The following C6orf89 variants were observed in gnomAD, a reference collection of about 807,000 sequenced individuals.
C6orf89 encodes chromosome 6 open reading frame 89, also known as bombesin receptor-activated protein C6orf89.
C6orf89 carries 29 observed loss-of-function variants against 40.7 expected under a neutral mutation model. The ratio of observed to expected loss-of-function variants is 0.71; its 90% confidence interval spans 0.53 to 0.97. The LOEUF is 0.97. Among genes scored for constraint, C6orf89 ranks in the 50% least tolerant of loss-of-function variants. The pLI is 0.00. For synonymous variants in C6orf89, 165 were observed against 152.2 expected (o/e 1.08, Z -0.62); for missense variants, 392 against 429.1 (o/e 0.91, Z 0.76).
chr6:36,914,296 G>C lies in C6orf89; in HGVS notation c.416G>C (p.Trp139Ser). 1 of 1,613,792 alleles carries C rather than the reference G, an allele frequency of 6.2e-7. No individual in the cohort carries two copies. The highest frequency in any genetic ancestry group is 8.5e-7 in the Non-Finnish European group (1 of 1,179,820). Reference protein sequence around the residue: ...EDRPFPDFDPWWTNDCEQNES... With the variant: ...EDRPFPDFDPSWTNDCEQNES... Reference sequence around the variant, plus strand: ...CTTCCTCTCTCAGACTTTGACCCCTGGTGGACAAACGACTGTGAGCAGAAT... The same window carrying C: ...CTTCCTCTCTCAGACTTTGACCCCTCGTGGACAAACGACTGTGAGCAGAAT... Residue 139 changes from tryptophan to serine, a missense_variant, in exon 5 of 9, where the codon TGG (tryptophan) becomes TCG (serine). Transcript: ENST00000480824.
At chr6:36,890,431 G>A (rs1761153902) in intron 1 of C6orf89, among the ~76,000 whole-genome samples, 1 of 152,068 alleles carries the variant, frequency 6.6e-6, no homozygotes, top group Admixed American at 6.6e-5. Flanking sequence ...ATTTCACTTA[G>A]CATAATGTCC....
At chr6:36,895,462 CAG>C (rs1761387867) in intron 2 of C6orf89, among the ~76,000 whole-genome samples, 2 of 152,132 alleles carry the variant, frequency 1.3e-5, no homozygotes, top group Non-Finnish European at 1.5e-5. Context: ...TGGGTGGTCT[CAG>C]ATAAGTCACT....
chr6:36,919,867 T>G (rs1201998671), intron 8 of C6orf89, among the ~76,000 whole-genome samples, 166 bp downstream of exon 8: 2 of 152,214 alleles, frequency 1.3e-5, no homozygotes, highest in Admixed American at 1.3e-4. Context: ...ATGAAACAAC[T>G]TAATGAGAAA....
At chr6:36,892,325 T>G (rs557609923) in intron 1 of C6orf89, among the ~76,000 whole-genome samples, 2 of 152,258 alleles carry the variant, frequency 1.3e-5, no homozygotes, top group South Asian at 4.1e-4. Flanking sequence ...CCCCTCCAGT[T>G]TGTTGATTTT....
chr6:36,920,892 A>G (rs746898068), intron 8 of C6orf89, among the ~76,000 whole-genome samples: 25 of 152,308 alleles, frequency 1.6e-4, no homozygotes, highest in Non-Finnish European at 2.5e-4. Context: ...AATTCAGACA[A>G]CTACAGAAAC....
chr6:36,903,225 T>TTGTG (rs10597547), intron 4 of C6orf89, among the ~76,000 whole-genome samples: 17 of 150,196 alleles, frequency 1.1e-4, no homozygotes, highest in African/African-American at 2.7e-4. Context: ...GCCTCCAATT[T>TTGTG]TGTGTGTGTG....
chr6:36,888,686 G>A (rs1326313771), intron 1 of C6orf89, among the ~76,000 whole-genome samples: 2 of 152,108 alleles, frequency 1.3e-5, no homozygotes, highest in African/African-American at 4.8e-5. Context: ...GGGAAGAGGA[G>A]AACTGGAAGT....
chr6:36,919,841 A>G, intron 8 of C6orf89, 140 bp downstream of exon 8: 1 of 868,994 alleles, frequency 1.2e-6, no homozygotes, highest in East Asian at 2.8e-5. Context: ...AACAGGCTCA[A>G]TATTTATGCT....
At chr6:36,914,164 TA>T (rs1762228034) in intron 4 of C6orf89, 119 bp from the exon 5 acceptor site, 4 of 897,060 alleles carry the variant, frequency 4.5e-6, no homozygotes, top group Non-Finnish European at 1.6e-6. Context: ...TGTCTCAAAA[TA>T]AATAAATAAA....
chr6:36,903,040 A>G (rs180905056), intron 4 of C6orf89, among the ~76,000 whole-genome samples: 22 of 150,860 alleles, frequency 1.5e-4, no homozygotes, highest in African/African-American at 2.9e-4. Flanking sequence ...CTGATAGACT[A>G]TTTGAGGGGT....
At chr6:36,922,693 C>A (rs1219750083) in intron 8 of C6orf89, among the ~76,000 whole-genome samples, 1 of 152,192 alleles carries the variant, frequency 6.6e-6, no homozygotes, top group South Asian at 2.1e-4. Context: ...AACCTATTTT[C>A]TTTGGAATAT....
intron 1 of C6orf89, among the ~76,000 whole-genome samples, chr6:36,889,810 A>G (rs1243796400): frequency 1.3e-5 from 2 of 152,248 alleles, no homozygotes; most frequent in South Asian, 2.1e-4. Flanking sequence ...AATAATGCCA[A>G]TGGTTGTGTG....
chr6:36,899,428 A>T lies in C6orf89; in HGVS notation c.-17A>T, dbSNP rs768108755. 6.2e-7 allele frequency: 1 copy of T among 1,613,866 alleles called. No individual in the cohort carries two copies. Among genetic ancestry groups the T allele is most frequent in the South Asian group, 1.1e-5 (1 of 91,068 alleles). ...TATTTTCTCTCCGTCTCTCTCAGGGATTTTATATTGGAAGACATGGATCTT... is the reference window on the plus strand; with the variant it reads ...TATTTTCTCTCCGTCTCTCTCAGGGTTTTTATATTGGAAGACATGGATCTT... On this transcript the variant is annotated splice_region_variant and 5_prime_UTR_variant, in exon 3 of 9. Transcript: ENST00000480824.
chr6:36,893,076 AG>A (rs1554135253), intron 1 of C6orf89, among the ~76,000 whole-genome samples: 4 of 152,058 alleles, frequency 2.6e-5, no homozygotes, highest in Non-Finnish European at 5.9e-5. Flanking sequence ...CTGGGATTAC[AG>A]GCCTCCGCCA....
chr6:36,892,478 A>T (rs540259913), intron 1 of C6orf89, among the ~76,000 whole-genome samples: 1 of 152,298 alleles, frequency 6.6e-6, no homozygotes, highest in South Asian at 2.1e-4. Context: ...AGTAGCTGGA[A>T]CTATAGGCAT....
intron 4 of C6orf89, among the ~76,000 whole-genome samples, chr6:36,907,219 T>C (rs1187564616): frequency 6.6e-6 from 1 of 152,272 alleles, no homozygotes; most frequent in African/African-American, 2.4e-5. Context: ...GCTTTGTTCT[T>C]TTCTTTCTTC....
chr6:36,902,529 A>G, intron 4 of C6orf89, 95 bp downstream of exon 4: 1 of 1,063,236 alleles, frequency 9.4e-7, no homozygotes, highest in Non-Finnish European at 1.4e-6. Context: ...ATGAGAGGCA[A>G]GCTCCCTATA....
At chr6:36,874,699 A>G in intron 1 of C6orf89, 1 of 1,613,452 alleles carries the variant, frequency 6.2e-7, no homozygotes, top group Non-Finnish European at 8.5e-7. Context: ...CCAGCCCCAG[A>G]CGCCCGAACC....
At position 36,914,347 on chromosome 6, in the gene C6orf89, GCACTGGCTGTGC is replaced by G; in HGVS notation, c.469_480del (p.Thr157_Ala160del). 6.2e-7 allele frequency: 1 copy of G among 1,614,164 alleles called. No homozygotes were observed. Among genetic ancestry groups the G allele is most frequent in the Non-Finnish European group, 8.5e-7 (1 of 1,180,032 alleles). ...GAGTCAGAGCCCATTCCTGCCAACT[GCACTGGCTGTGC>G]CCAGAAACACCTGAAGGTGATGCTC... is the stretch of plus-strand genomic sequence containing the variant. On this transcript the variant is annotated inframe_deletion, in exon 5 of 9. Coordinates refer to ENST00000480824, the MANE Select transcript of C6orf89 (RefSeq NM_001286635.2).
Sources: allele counts gnomAD v4.1 joint callset (sites outside exome capture counted in the v4.1 genomes callset), GRCh38; gene constraint gnomAD v4.1.1; transcripts MANE v1.5; gene names NCBI Gene and HGNC (gene_info 2026-07-23, HGNC 2026-07-21).